Variants in ZNF704 observed in about 807,000 individuals in gnomAD.
The protein encoded by ZNF704 is glucocorticoid induced gene 1.
A neutral mutation model predicts 44.7 loss-of-function variants in ZNF704; 10 were observed. That is an observed-to-expected ratio of 0.22 (90% CI 0.14 to 0.38). ZNF704 has a LOEUF of 0.38. ZNF704 is among the 10% of genes least tolerant of loss of function. ZNF704 has a pLI of 1.00. For synonymous variants in ZNF704, 211 were observed against 207.6 expected (o/e 1.02, Z -0.14); for missense variants, 390 against 545.5 (o/e 0.71, Z 2.84).
chr8:80,742,415 C>T (rs981682939), intron 2 of ZNF704, among the ~76,000 whole-genome samples: 1 of 152,202 alleles, frequency 6.6e-6, no homozygotes, highest in African/African-American at 2.4e-5. Context: ...AAACCCTTCA[C>T]CACACCTTTC....
At chr8:80,649,940 G>A (rs964073862) in intron 7 of ZNF704, among the ~76,000 whole-genome samples, 6 of 152,126 alleles carry the variant, frequency 3.9e-5, no homozygotes, top group Admixed American at 1.3e-4. Flanking sequence ...CACCTCACAC[G>A]GCCGGGTACT....
chr8:80,649,584 G>T (rs1445223326), intron 7 of ZNF704, among the ~76,000 whole-genome samples: 1 of 152,192 alleles, frequency 6.6e-6, no homozygotes, highest in African/African-American at 2.4e-5. Context: ...AGCAGTCTGA[G>T]ATCAAACTGC....
chr8:80,776,710 T>TCAG (rs1563549556), intron 2 of ZNF704: 2 of 152,192 alleles, frequency 1.3e-5, no homozygotes, highest in African/African-American at 4.8e-5. Flanking sequence ...GCAGTGGCTA[T>TCAG]TCACAGGTGT....
intron 2 of ZNF704, among the ~76,000 whole-genome samples, chr8:80,709,196 G>A (rs1585971353): frequency 1.3e-5 from 2 of 151,978 alleles, no homozygotes; most frequent in South Asian, 4.1e-4. Context: ...TGTAATCCCA[G>A]CACTTTGGGA....
chr8:80,722,728 C>T (rs73254812), intron 2 of ZNF704, among the ~76,000 whole-genome samples: 26,446 of 152,122 alleles, frequency 0.17, 4,684 homozygotes, highest in African/African-American at 0.46. Flanking sequence ...TATGTACACT[C>T]TCTACTGTGT....
At chr8:80,693,602 A>G (rs1818676883) in intron 2 of ZNF704, among the ~76,000 whole-genome samples, 1 of 152,146 alleles carries the variant, frequency 6.6e-6, no homozygotes, top group Admixed American at 6.5e-5. Flanking sequence ...TGAGGCAGTG[A>G]CGTCTGAGGT....
intron 1 of ZNF704, among the ~76,000 whole-genome samples, chr8:80,842,268 C>T (rs2129968666): frequency 6.6e-6 from 1 of 152,212 alleles, no homozygotes; most frequent in Non-Finnish European, 1.5e-5. Context: ...AAGGTCCACC[C>T]CGAGTCCTCA....
At chr8:80,748,079 C>T (rs182061696) in intron 2 of ZNF704, among the ~76,000 whole-genome samples, 2 of 152,328 alleles carry the variant, frequency 1.3e-5, no homozygotes, top group African/African-American at 4.8e-5. Flanking sequence ...AATTCTCCTA[C>T]AAACGGCAAG....
chr8:80,818,052 A>G (rs533994064), intron 2 of ZNF704, among the ~76,000 whole-genome samples: 15 of 152,336 alleles, frequency 9.8e-5, no homozygotes, highest in African/African-American at 3.4e-4. Flanking sequence ...AGTGAGGTAG[A>G]GAGTAAGGTG....
intron 1 of ZNF704, among the ~76,000 whole-genome samples, chr8:80,862,381 A>G (rs1384055751): frequency 6.6e-6 from 1 of 152,034 alleles, no homozygotes; most frequent in African/African-American, 2.4e-5. Flanking sequence ...TCAAGTGACA[A>G]AAATCAATAC....
chr8:80,855,990 C>T lies in ZNF704; in HGVS notation c.-22+18581G>A, dbSNP rs543416136. On this transcript the variant is annotated intron_variant, in intron 1 of 8. Transcript: ENST00000327835. Reference sequence around the variant, plus strand: ...TCAGTTCTTTTGAGACAGGGTCTCACTTTGTCACCTGGGCTGGAGTGCAGT... The same window carrying T: ...TCAGTTCTTTTGAGACAGGGTCTCATTTTGTCACCTGGGCTGGAGTGCAGT... Among the ~76,000 whole-genome samples, 10 of 152,282 alleles carry T rather than the reference C, an allele frequency of 6.6e-5. No individual in the cohort carries two copies. In the East Asian group the frequency reaches 1.9e-3, roughly 29 times the overall value.
chr8:80,813,953 G>T (rs549896167), intron 2 of ZNF704, among the ~76,000 whole-genome samples: 53 of 152,266 alleles, frequency 3.5e-4, no homozygotes, highest in Non-Finnish European at 3.4e-4. Flanking sequence ...AGAACTGCTG[G>T]AAAAAGTTCT....
At chr8:80,705,559 CTG>C (rs1336065273) in intron 2 of ZNF704, among the ~76,000 whole-genome samples, 1 of 150,698 alleles carries the variant, frequency 6.6e-6, no homozygotes, top group African/African-American at 2.4e-5. Flanking sequence ...GTGTGTGTGT[CTG>C]TGTGTGTGTT....
chr8:80,714,668 G>T (rs2131663429), intron 2 of ZNF704, among the ~76,000 whole-genome samples: 1 of 152,202 alleles, frequency 6.6e-6, no homozygotes, highest in Non-Finnish European at 1.5e-5. Flanking sequence ...CTCAAGAAAA[G>T]ATAGCTCAAA....
chr8:80,753,961 C>A (rs936633694), intron 2 of ZNF704, among the ~76,000 whole-genome samples: 1 of 152,098 alleles, frequency 6.6e-6, no homozygotes, highest in African/African-American at 2.4e-5. Context: ...CTCTTCACTT[C>A]CAGGCGAAGT....
intron 7 of ZNF704, among the ~76,000 whole-genome samples, chr8:80,658,463 A>G (rs1287385097): frequency 6.6e-6 from 1 of 152,150 alleles, no homozygotes; most frequent in Admixed American, 6.5e-5. Flanking sequence ...CCAGAAGCAA[A>G]ACTAATACCA....
intron 1 of ZNF704, among the ~76,000 whole-genome samples, chr8:80,849,112 T>A (rs1465835120): frequency 6.6e-6 from 1 of 152,178 alleles, no homozygotes; most frequent in Non-Finnish European, 1.5e-5. Flanking sequence ...TAAAGTTAGG[T>A]ATCACACGAT....
At chr8:80,673,044 T>C (rs1818307845) in intron 4 of ZNF704, among the ~76,000 whole-genome samples, 3 of 152,234 alleles carry the variant, frequency 2.0e-5, no homozygotes. Flanking sequence ...TATGAATAAA[T>C]GATATTTCAT....
chr8:80,666,138 C>T (rs1017900974), intron 5 of ZNF704, among the ~76,000 whole-genome samples: 1 of 139,214 alleles, frequency 7.2e-6, no homozygotes, highest in Non-Finnish European at 1.5e-5. Flanking sequence ...CCACAGTCCC[C>T]AGAGTGTGAT....
Sources: gnomAD v4.1 joint callset for allele counts (sites outside exome capture counted in the v4.1 genomes callset) on GRCh38, gnomAD v4.1.1 for gene constraint, MANE v1.5 for transcripts, NCBI Gene and HGNC (gene_info 2026-07-23, HGNC 2026-07-21) for gene names.